The following CD274 variants were observed in gnomAD, a reference collection of about 807,000 sequenced individuals.
The protein encoded by CD274 is programmed cell death 1 ligand 1.
A neutral mutation model predicts 30.1 loss-of-function variants in CD274; 8 were observed. The observed-to-expected ratio is 0.27, with a 90% CI of 0.16 to 0.48. The LOEUF is 0.48. Ranked by LOEUF, CD274 falls within the 20% of genes least tolerant of loss-of-function variation. The pLI is 0.99. For missense variants in CD274, 353 were observed against 346.6 expected (o/e 1.02, Z -0.15); for synonymous variants, 152 against 124.6 (o/e 1.22, Z -1.46).
intron 3 of CD274, among the ~76,000 whole-genome samples, chr9:5,461,704 T>G: frequency 6.6e-6 from 1 of 152,130 alleles, no homozygotes; most frequent in East Asian, 1.9e-4. Flanking sequence ...TGAATAAACA[T>G]GAATAAAGCT....
chr9:5,453,108 CA>C (rs1819236470), intron 1 of CD274, among the ~76,000 whole-genome samples: 1 of 152,046 alleles, frequency 6.6e-6, no homozygotes, highest in Non-Finnish European at 1.5e-5. Context: ...CCCATTTTAG[CA>C]AATGTGACCT....
intron 5 of CD274, 22 bp downstream of exon 5, chr9:5,465,628 T>C (rs1232631537): frequency 7.4e-7 from 1 of 1,344,092 alleles, no homozygotes; most frequent in Non-Finnish European, 1.1e-6. Context: ...TTAATTGCAG[T>C]GGTCTCCACT....
chr9:5,454,915 C>T (rs1819273690), intron 1 of CD274, among the ~76,000 whole-genome samples: 1 of 152,172 alleles, frequency 6.6e-6, no homozygotes, highest in Non-Finnish European at 1.5e-5. Context: ...CATATGTTTA[C>T]ATGTCACCTG....
In CD274 at chr9:5,463,422, GA is replaced by G. The variant is rs1378359393; in HGVS notation, c.682+304del. Among the ~76,000 whole-genome samples the G allele has an allele frequency of 2.0e-5, 3 of 152,076 alleles. No individual in the cohort carries two copies. The East Asian group carries it at 5.8e-4, about 29-fold the overall frequency. Reference sequence around the variant, plus strand: ...CTTCAGGAAACAGATAAAAAACTAAGAAACAAACAAAAAACAGGCAATCCAA... The same window carrying G: ...CTTCAGGAAACAGATAAAAAACTAAGAACAAACAAAAAACAGGCAATCCAA... On this transcript the variant is annotated intron_variant, in intron 4 of 6. Coordinates refer to ENST00000381577, the MANE Select transcript of CD274 (RefSeq NM_014143.4).
In CD274 at chr9:5,469,909, T is replaced by C. The variant is rs1819562168; in HGVS notation, c.*2047T>C. The C allele has an allele frequency of 4.3e-6, 1 of 233,212 alleles. No individual in the cohort carries two copies. Among genetic ancestry groups the C allele is most frequent in the African/African-American group, 2.2e-5 (1 of 45,470 alleles). The allele number at this position is 233,212 out of a possible 1,614,324, so 14.4% of individuals were successfully genotyped here. ...CTGTCAAGTATAAACTTCACTTTGA[T>C]GCTGTACTTGCAAAATCACATTTTC... On this transcript the variant is annotated 3_prime_UTR_variant, in exon 7 of 7. Transcript: ENST00000381577.
In CD274 at chr9:5,466,828, T is replaced by G. The variant is rs2131233096; in HGVS notation, c.849T>G (p.Ser283Arg). 1 of 1,597,032 alleles carries G rather than the reference T, an allele frequency of 6.3e-7. No homozygotes were observed. Residue 283 changes from serine (S) to arginine (R), a missense_variant and splice_region_variant, in exon 6 of 7, where the codon AGT (serine) becomes AGG (arginine). Ser to Arg is a moderately radical substitution (Grantham distance 110). Coordinates refer to ENST00000381577, the MANE Select transcript of CD274 (RefSeq NM_014143.4). Reference sequence around the variant, plus strand: ...AAGATACAAACTCAAAGAAGCAAAGTGGTAAGAATATCAGAAGGAATTGGG... The same window carrying G: ...AAGATACAAACTCAAAGAAGCAAAGGGGTAAGAATATCAGAAGGAATTGGG... Reference protein sequence around the residue: ...GIQDTNSKKQSDTHLEET With the variant: ...GIQDTNSKKQRDTHLEET
chr9:5,458,774 A>G (rs2131215637), intron 3 of CD274, among the ~76,000 whole-genome samples: 1 of 152,294 alleles, frequency 6.6e-6, no homozygotes, highest in African/African-American at 2.4e-5. Flanking sequence ...ATTATATTTT[A>G]CCATATGCTT....
chr9:5,469,277 CTG>C lies in CD274; in HGVS notation c.*1417_*1418del. The stretch of plus-strand genomic sequence containing the variant: ...TAGTGTCTGGTATTGTTTAACAGTT[CTG>C]TCTTTTCTATTTAAATGCCACTAAA... On this transcript the variant is annotated 3_prime_UTR_variant, in exon 7 of 7. Coordinates refer to ENST00000381577, the MANE Select transcript of CD274 (RefSeq NM_014143.4). 1 of 232,736 alleles carries C rather than the reference CTG, an allele frequency of 4.3e-6. No homozygotes were observed. Among genetic ancestry groups the C allele is most frequent in the East Asian group, 6.1e-5 (1 of 16,492 alleles). 14.4% of individuals were successfully genotyped at this position (232,736 alleles called of 1,614,324 possible).
intron 1 of CD274, among the ~76,000 whole-genome samples, chr9:5,452,026 C>CTTTTTTTTTTTTTT (rs71326169): frequency 7.9e-6 from 1 of 126,454 alleles, no homozygotes; most frequent in Non-Finnish European, 1.6e-5. Flanking sequence ...TTTTTTTTGT[C>CTTTTTTTTTTTTTT]TTTTTTTTTT....
At position 5,469,222 on chromosome 9, in the gene CD274, C is replaced by G. The variant is rs1819546990; in HGVS notation, c.*1360C>G. On this transcript the variant is annotated 3_prime_UTR_variant, in exon 7 of 7. Coordinates refer to ENST00000381577, the MANE Select transcript of CD274 (RefSeq NM_014143.4). ...AGCATTATATTTATTCCTGATTTGC[C>G]TTTGCCATATAATCTAATGCTTGTT... 4.3e-6 allele frequency: 1 copy of G among 232,914 alleles called. No individual in the cohort carries two copies. The highest frequency in any genetic ancestry group is 6.1e-5 in the East Asian group (1 of 16,498). 14.4% of individuals were successfully genotyped at this position (232,914 alleles called of 1,614,324 possible).
chr9:5,461,687 C>T (rs1051555923), intron 3 of CD274, among the ~76,000 whole-genome samples: 3 of 152,146 alleles, frequency 2.0e-5, no homozygotes, highest in South Asian at 4.2e-4. Flanking sequence ...TGTTAATGTA[C>T]TTGTAATGAA....
rs150697452 is a variant in CD274 at position 5,467,847 on chromosome 9, T to C, written c.858T>C (p.His286=). The stretch of plus-strand genomic sequence containing the variant: ...ACTATTATCACTCTCCAGATACACA[T>C]TTGGAGGAGACGTAATCCAGCATTG... ...DTNSKKQSDT[H]LEET Residue 286 remains histidine (H), a synonymous_variant, in exon 7 of 7, where the codon CAT becomes CAC. Transcript: ENST00000381577. 9.9e-6 allele frequency: 16 copies of C among 1,608,658 alleles called. No homozygotes were observed. Among genetic ancestry groups the C allele is most frequent in the Middle Eastern group, 1.6e-4 (1 of 6,070 alleles).
chr9:5,451,067 T>C (rs1020439184), intron 1 of CD274, among the ~76,000 whole-genome samples: 30 of 152,270 alleles, frequency 2.0e-4, no homozygotes, highest in African/African-American at 7.2e-4. Context: ...ATTTGCTCTG[T>C]CCATTCTGAG....
In CD274 at chr9:5,457,134, G is replaced by C. The variant is rs2131211266; in HGVS notation, c.108G>C (p.Met36Ile). 6.2e-7 allele frequency: 1 copy of C among 1,613,996 alleles called. No individual in the cohort carries two copies. Among genetic ancestry groups the C allele is most frequent in the Non-Finnish European group, 8.5e-7 (1 of 1,179,886 alleles). Residue 36 changes from methionine (M) to isoleucine (I), a missense_variant, in exon 3 of 7, where the codon ATG becomes ATC. Coordinates refer to ENST00000381577, the MANE Select transcript of CD274 (RefSeq NM_014143.4). ...ATGTGGTAGAGTATGGTAGCAATAT[G>C]ACAATTGAATGCAAATTCCCAGTAG... ...DLYVVEYGSN[M>I]TIECKFPVEK... is the part of the protein sequence containing the mutation.
intron 4 of CD274, 111 bp from the exon 5 acceptor site, chr9:5,465,388 A>C: frequency 1.6e-6 from 1 of 630,840 alleles, no homozygotes; most frequent in Non-Finnish European, 2.8e-6. Flanking sequence ...TTGGCATTTA[A>C]GAAAATTATC....
At chr9:5,456,074 C>T (rs1450458184) in intron 1 of CD274, 26 bp from the exon 2 acceptor site, 1 of 1,335,798 alleles carries the variant, frequency 7.5e-7, no homozygotes, top group Non-Finnish European at 1.1e-6. Flanking sequence ...GTGAAGCAGT[C>T]TTCTTTTCGT....
In CD274 at chr9:5,468,207, G is replaced by C. The variant is rs962468816; in HGVS notation, c.*345G>C. On this transcript the variant is annotated 3_prime_UTR_variant, in exon 7 of 7. Coordinates refer to ENST00000381577, the MANE Select transcript of CD274 (RefSeq NM_014143.4). ...GACGGGTTGAGAATCCCTAATTTGA[G>C]GGTCAGTTCCTGCAGAAGTGCCCTT... The C allele has an allele frequency of 5.9e-6, 2 of 339,688 alleles. No individual in the cohort carries two copies. The highest frequency in any genetic ancestry group is 1.1e-5 in the Non-Finnish European group (2 of 185,374). The allele number at this position is 339,688 out of a possible 1,614,324, so 21.0% of individuals were successfully genotyped here.
intron 4 of CD274, among the ~76,000 whole-genome samples, chr9:5,463,938 C>T (rs576001635): frequency 1.2e-4 from 18 of 152,016 alleles, no homozygotes; most frequent in African/African-American, 4.1e-4. Context: ...GAAAGTGAGG[C>T]GAGTGAGCAT....
rs1586771236 is a variant in CD274, at chr9:5,470,310, A to G, written c.*2448A>G. 4.3e-6 allele frequency: 1 copy of G among 232,598 alleles called. No individual in the cohort carries two copies. The highest frequency in any genetic ancestry group is 6.1e-5 in the East Asian group (1 of 16,482). The allele number at this position is 232,598 out of a possible 1,614,324, so 14.4% of individuals were successfully genotyped here. A position where few individuals can be genotyped will look rare whatever the true frequency, so the allele number is the denominator to read the frequency against. On this transcript the variant is annotated 3_prime_UTR_variant, in exon 7 of 7. Coordinates refer to ENST00000381577, the MANE Select transcript of CD274 (RefSeq NM_014143.4). The stretch of plus-strand genomic sequence containing the variant: ...GCTGAGCAAGGCACATAGTCTACTC[A>G]GTCTATTCCTAAGTCCTAACTCCTC...
Sources: gnomAD v4.1 joint callset for allele counts (sites outside exome capture counted in the v4.1 genomes callset) on GRCh38, gnomAD v4.1.1 for gene constraint, MANE v1.5 for transcripts, NCBI Gene and HGNC (gene_info 2026-07-23, HGNC 2026-07-21) for gene names.